CDK19: variants seen among roughly 807,000 people sequenced by gnomAD.
The protein encoded by CDK19 is cyclin-dependent kinase 19.
CDK19 carries 20 observed loss-of-function variants against 68.3 expected under a neutral mutation model. The observed-to-expected ratio is 0.29, with a 90% CI of 0.21 to 0.43. The LOEUF is 0.43. Ranked by LOEUF, CDK19 falls within the 20% of genes least tolerant of loss-of-function variation. The pLI is 1.00. For synonymous variants in CDK19, 221 were observed against 222.8 expected (o/e 0.99, Z 0.07); for missense variants, 339 against 623.5 (o/e 0.54, Z 4.86).
At chr6:110,788,581 T>C (rs1008211465) in intron 1 of CDK19, among the ~76,000 whole-genome samples, 1 of 152,204 alleles carries the variant, frequency 6.6e-6, no homozygotes, top group African/African-American at 2.4e-5. Context: ...GAATTCTTTT[T>C]TTCTCAAATC....
intron 2 of CDK19, among the ~76,000 whole-genome samples, chr6:110,686,070 T>C (rs1010234334): frequency 2.6e-5 from 4 of 152,048 alleles, no homozygotes; most frequent in South Asian, 2.1e-4. Flanking sequence ...ACCCAGCAGA[T>C]AGCAATGGGA....
chr6:110,635,805 G>A (rs1337757690), intron 5 of CDK19, among the ~76,000 whole-genome samples: 1 of 152,170 alleles, frequency 6.6e-6, no homozygotes, highest in Admixed American at 6.5e-5. Flanking sequence ...CCAAAGTGCT[G>A]GGATTACAGG....
intron 8 of CDK19, among the ~76,000 whole-genome samples, chr6:110,626,538 C>G (rs1394623290): frequency 6.6e-6 from 1 of 152,136 alleles, no homozygotes; most frequent in Non-Finnish European, 1.5e-5. Context: ...GTAAAAGAGG[C>G]ATCACACAGC....
At position 110,744,045 on chromosome 6, in the gene CDK19, G is replaced by A. The variant is rs190357136; in HGVS notation, c.204+2081C>T. ...TTTTTTTTTTTTGAGACAGAGTCTCGCTCTTTCACCCAGGCTAGAGTACAG... is the reference window on the plus strand; with the variant it reads ...TTTTTTTTTTTTGAGACAGAGTCTCACTCTTTCACCCAGGCTAGAGTACAG... On this transcript the variant is annotated intron_variant, in intron 2 of 12. Coordinates refer to ENST00000368911, the MANE Select transcript of CDK19 (RefSeq NM_015076.5). 6.4e-4 allele frequency among the ~76,000 whole-genome samples: 70 copies of A among 109,292 alleles called. 1 individual carries two copies. In the Middle Eastern group the frequency reaches 0.026, roughly 40 times the overall value. The allele number at this position is 109,292 out of a possible 152,430, so 71.7% of individuals were successfully genotyped here.
chr6:110,814,888 C>A (rs2115184035), intron 1 of CDK19, 121 bp downstream of exon 1: 2 of 1,365,956 alleles, frequency 1.5e-6, no homozygotes, highest in Non-Finnish European at 2.0e-6. Context: ...GACGCAACCC[C>A]GCGACCCCCT....
intron 2 of CDK19, among the ~76,000 whole-genome samples, chr6:110,744,126 C>G (rs1274830370): frequency 6.7e-6 from 1 of 150,004 alleles, no homozygotes. Context: ...CCTGTCTCAG[C>G]CTCCCGAGTA....
intron 2 of CDK19, among the ~76,000 whole-genome samples, chr6:110,673,725 A>C (rs537298010): frequency 1.3e-5 from 2 of 152,174 alleles, no homozygotes; most frequent in South Asian, 4.2e-4. Flanking sequence ...TAAAAGAAAA[A>C]TTTTTTTAAA....
At chr6:110,622,988 G>T in intron 9 of CDK19, 76 bp from the exon 10 acceptor site, 1 of 895,762 alleles carries the variant, frequency 1.1e-6, no homozygotes, top group Non-Finnish European at 1.9e-6. Flanking sequence ...TTGTATTACT[G>T]TGTAACAGGA....
At chr6:110,694,489 C>T (rs1463382594) in intron 2 of CDK19, among the ~76,000 whole-genome samples, 1 of 152,116 alleles carries the variant, frequency 6.6e-6, no homozygotes, top group East Asian at 1.9e-4. Flanking sequence ...ATGCACCTAA[C>T]ACTGGAGCTC....
rs1054274378 is a variant in CDK19, at chr6:110,654,148, T to C, written c.456+13286A>G. 2.0e-5 allele frequency among the ~76,000 whole-genome samples: 3 copies of C among 152,316 alleles called. No homozygotes were observed. In the South Asian group the frequency reaches 6.2e-4, roughly 32 times the overall value. On this transcript the variant is annotated intron_variant, in intron 4 of 12. Coordinates refer to ENST00000368911, the MANE Select transcript of CDK19 (RefSeq NM_015076.5). ...TATACTTTTATTTAAATATTGTTAG[T>C]GGTGACACAACTTTCCTCACATTTG...
intron 2 of CDK19, among the ~76,000 whole-genome samples, chr6:110,745,318 A>G (rs1777999597): frequency 6.6e-6 from 1 of 152,162 alleles, no homozygotes; most frequent in South Asian, 2.1e-4. Context: ...TCTTGTGAAC[A>G]ATCATTTCTT....
intron 1 of CDK19, among the ~76,000 whole-genome samples, chr6:110,787,831 G>A (rs761456506): frequency 4.0e-5 from 6 of 151,276 alleles, no homozygotes; most frequent in Non-Finnish European, 7.4e-5. Flanking sequence ...TGGGTTTTGC[G>A]GTTTTTTTGT....
intron 1 of CDK19, among the ~76,000 whole-genome samples, chr6:110,794,467 T>C (rs1255801431): frequency 2.0e-5 from 3 of 149,714 alleles, no homozygotes; most frequent in Non-Finnish European, 4.4e-5. Context: ...AGTAGCGTCA[T>C]CTTGGCTCAC....
chr6:110,753,445 G>A (rs148053224), intron 1 of CDK19, among the ~76,000 whole-genome samples: 7 of 149,866 alleles, frequency 4.7e-5, no homozygotes, highest in African/African-American at 7.4e-5. Context: ...GTGCAGTAGC[G>A]CGATCATGGC....
chr6:110,802,513 C>T (rs543844661), intron 1 of CDK19, among the ~76,000 whole-genome samples: 2 of 152,276 alleles, frequency 1.3e-5, no homozygotes, highest in South Asian at 2.1e-4. Flanking sequence ...ACGACAGACA[C>T]TGGGGACTCC....
intron 5 of CDK19, among the ~76,000 whole-genome samples, chr6:110,633,394 G>C (rs1040593304): frequency 1.3e-5 from 2 of 152,098 alleles, no homozygotes; most frequent in African/African-American, 4.8e-5. Context: ...CTGATGATTT[G>C]GAATTGGCTA....
At chr6:110,622,192 A>G (rs764824449) in intron 10 of CDK19, 26 bp from the exon 11 acceptor site, 6 of 1,454,946 alleles carry the variant, frequency 4.1e-6, no homozygotes, top group East Asian at 2.3e-5. Flanking sequence ...AAGAAAAAAC[A>G]TATCATGATC....
intron 4 of CDK19, among the ~76,000 whole-genome samples, chr6:110,651,965 G>C (rs7752604): frequency 0.19 from 28,460 of 151,954 alleles, 2,757 homozygotes; most frequent in South Asian, 0.23. Flanking sequence ...AAGAGTCGAT[G>C]AAAGATTCTG....
chr6:110,781,273 A>G (rs1562283356), intron 1 of CDK19, among the ~76,000 whole-genome samples: 1 of 152,158 alleles, frequency 6.6e-6, no homozygotes, highest in Non-Finnish European at 1.5e-5. Flanking sequence ...ATGGCAACAG[A>G]AGGAGCAAGA....
Sources: gnomAD v4.1 joint callset for allele counts (sites outside exome capture counted in the v4.1 genomes callset) on GRCh38, gnomAD v4.1.1 for gene constraint, MANE v1.5 for transcripts, NCBI Gene and HGNC (gene_info 2026-07-23, HGNC 2026-07-21) for gene names.